NKTR: variants seen among roughly 807,000 people sequenced by gnomAD.
NKTR encodes the protein natural killer cell triggering receptor.
A neutral mutation model predicts 156.3 loss-of-function variants in NKTR; 67 were observed. That is an observed-to-expected ratio of 0.43 (90% confidence interval 0.35 to 0.53). The LOEUF (loss-of-function observed/expected upper bound fraction) is 0.53, where lower values mean the gene tolerates loss of function less well. NKTR is among the 20% of genes least tolerant of loss of function. The pLI is 0.01. For missense variants in NKTR, 1,604 were observed against 1,730.9 expected, an observed-to-expected ratio of 0.93 and a Z score of 1.30; for synonymous variants, 640 against 596.6, an observed-to-expected ratio of 1.07 and a Z score of -1.06.
chr3:42,639,577 A>T lies in NKTR; in HGVS notation c.3873A>T (p.Pro1291=), dbSNP rs746563246. 1 of 1,614,254 alleles carries T rather than the reference A, an allele frequency of 6.2e-7. No individual in the cohort carries two copies. Among genetic ancestry groups the T allele is most frequent in the Non-Finnish European group, 8.5e-7 (1 of 1,180,038 alleles). Residue 1291 remains proline (P), a synonymous_variant, in exon 13 of 17, where the codon CCA becomes CCT. Transcript: ENST00000232978. The stretch of plus-strand genomic sequence containing the variant: ...AGACAGCACGCTTAAACCGTAGACC[A>T]AGAAATCAGGAGAGTTCAAGTGATG... ...VRKTARLNRR[P]RNQESSSDEQ...
Position 42,638,906 on chromosome 3 carries a change from G to GTTAC in NKTR, c.3202_3203insTTAC (p.Gly1068ValfsTer3). 6.2e-7 allele frequency: 1 copy of GTTAC among 1,612,826 alleles called. No individual in the cohort carries two copies. Among genetic ancestry groups the GTTAC allele is most frequent in the Non-Finnish European group, 8.5e-7 (1 of 1,179,148 alleles). On this transcript the variant is annotated frameshift_variant, in exon 13 of 17. Transcript: ENST00000232978. LOFTEE classifies it high-confidence loss of function. ...GAAATCCAGTGAAGAGGACCTTTCA[G>GTTAC]GTAAACATGATACAGTGACTGTTTC... is the stretch of plus-strand genomic sequence containing the variant.
chr3:42,618,884 T>G, intron 3 of NKTR, 136 bp from the exon 4 acceptor site: 1 of 685,248 alleles, frequency 1.5e-6, no homozygotes, highest in South Asian at 2.1e-5. Flanking sequence ...TAAATTATCA[T>G]GTCATCTATT....
chr3:42,613,709 T>A (rs1707064400), intron 2 of NKTR, among the ~76,000 whole-genome samples: 1 of 150,312 alleles, frequency 6.7e-6, no homozygotes, highest in African/African-American at 2.5e-5. Context: ...AGTGGCCAAA[T>A]CAGAATCTAC....
At chr3:42,628,794 G>A (rs1207961807) in intron 6 of NKTR, 3 of 568,742 alleles carry the variant, frequency 5.3e-6, no homozygotes, top group Non-Finnish European at 6.7e-6. Flanking sequence ...CTGAGGTCAG[G>A]AGTTTGAGAC....
At chr3:42,601,672 A>G (rs546602601) in intron 2 of NKTR, 3 of 152,312 alleles carry the variant, frequency 2.0e-5, no homozygotes, top group African/African-American at 4.8e-5. Context: ...ATTTTTTTTA[A>G]ATGAAACATT....
chr3:42,634,402 A>G (rs954388782), intron 10 of NKTR, among the ~76,000 whole-genome samples: 1 of 152,256 alleles, frequency 6.6e-6, no homozygotes, highest in Non-Finnish European at 1.5e-5. Flanking sequence ...GCTGAAAAGT[A>G]TAAGAGTCCT....
chr3:42,638,942 G>T lies in NKTR; in HGVS notation c.3238G>T (p.Asp1080Tyr). The change falls in exon 13 of 17, where the codon GAT (aspartate) becomes TAT (tyrosine). Residue 1080 changes from aspartate (D) to tyrosine (Y), a missense_variant. Asp to Tyr is a radical substitution (Grantham distance 160, BLOSUM62 -3). Around this residue, in one of 6 missense-constraint regions of NKTR, gnomAD observed 1,255 missense variants for 1,243.7 expected, o/e 1.01. Coordinates refer to ENST00000232978, the MANE Select transcript of NKTR (RefSeq NM_005385.4). ...TACAGTGACTGTTTCATCAGATCTT[G>T]ATCAGTTTACTAAAGATGATAGTAA... ...HDTVTVSSDLDQFTKDDSKLS... is the reference protein window; with the variant it reads ...HDTVTVSSDLYQFTKDDSKLS... 1 of 1,613,256 alleles carries T rather than the reference G, an allele frequency of 6.2e-7. No individual in the cohort carries two copies. Among genetic ancestry groups the T allele is most frequent in the South Asian group, 1.1e-5 (1 of 90,988 alleles).
chr3:42,608,522 C>A (rs1240795140), intron 2 of NKTR, among the ~76,000 whole-genome samples: 1 of 152,174 alleles, frequency 6.6e-6, no homozygotes, highest in Non-Finnish European at 1.5e-5. Context: ...TCATTGTGTT[C>A]ACCAGTCTGG....
chr3:42,639,102 C>T lies in NKTR; in HGVS notation c.3398C>T (p.Thr1133Ile). 6.2e-7 allele frequency: 1 copy of T among 1,614,184 alleles called. No individual in the cohort carries two copies. Among genetic ancestry groups the T allele is most frequent in the Non-Finnish European group, 8.5e-7 (1 of 1,180,022 alleles). Residue 1133 changes from threonine to isoleucine, a missense_variant, in exon 13 of 17, where the codon ACT (threonine) becomes ATT (isoleucine). By Grantham distance (89) the Thr-to-Ile change is moderately conservative (BLOSUM62 -1). Coordinates refer to ENST00000232978, the MANE Select transcript of NKTR (RefSeq NM_005385.4). ...ACAGATGACAACATGGAGATCTGCA[C>T]TCCTGATAGGAGTTCCCCAGCAAAA... Reference protein sequence around the residue: ...LQTDDNMEICTPDRSSPAKVE... With the variant: ...LQTDDNMEICIPDRSSPAKVE...
At chr3:42,644,937 C>T (rs948244582) in intron 16 of NKTR, among the ~76,000 whole-genome samples, 1 of 152,044 alleles carries the variant, frequency 6.6e-6, no homozygotes, top group African/African-American at 2.4e-5. Context: ...CTATTCTATT[C>T]TGTCCTTGAA....
In NKTR at chr3:42,639,196, G is replaced by A; in HGVS notation, c.3492G>A (p.Gln1164=). 6.2e-7 allele frequency: 1 copy of A among 1,614,186 alleles called. No homozygotes were observed. Among genetic ancestry groups the A allele is most frequent in the Non-Finnish European group, 8.5e-7 (1 of 1,180,034 alleles). ...DTPDINIVLK[Q]DMATEHPQAE... ...CAGATATAAACATTGTTTTGAAGCA[G>A]GATATGGCAACGGAACATCCTCAAG... The change falls in exon 13 of 17, where the codon CAG becomes CAA. Residue 1164 remains glutamine, a synonymous_variant. Coordinates refer to ENST00000232978, the MANE Select transcript of NKTR (RefSeq NM_005385.4).
chr3:42,631,510 T>C (rs1409986001), intron 8 of NKTR, among the ~76,000 whole-genome samples, 194 bp downstream of exon 8: 2 of 152,202 alleles, frequency 1.3e-5, no homozygotes, highest in African/African-American at 4.8e-5. Flanking sequence ...ACCAGCCTTA[T>C]CCACACCACC....
chr3:42,643,749 A>AG (rs1255247186), intron 15 of NKTR, 153 bp from the exon 16 acceptor site: 1 of 689,832 alleles, frequency 1.4e-6, no homozygotes, highest in Non-Finnish European at 2.6e-6. Flanking sequence ...GCAATTGTTA[A>AG]ATGTTTCCAG....
rs945260316 is a variant in NKTR at position 42,620,498 on chromosome 3, A to G, written c.286+790A>G. The G allele has an allele frequency of 5.1e-6, 5 of 983,552 alleles. No individual in the cohort carries two copies. In the Admixed American group the frequency reaches 2.5e-4, roughly 48 times the overall value. 60.9% of individuals were successfully genotyped at this position (983,552 alleles called of 1,614,324 possible). A position where few individuals can be genotyped will look rare whatever the true frequency, so the allele number is the denominator to read the frequency against. ...TTAACGCTATAATAGCTTCAGTGTTATAATAGTCTTTTATATTTCCTTTGG... is the reference window on the plus strand; with the variant it reads ...TTAACGCTATAATAGCTTCAGTGTTGTAATAGTCTTTTATATTTCCTTTGG... On this transcript the variant is annotated intron_variant, in intron 5 of 16. Transcript: ENST00000232978.
At chr3:42,633,846 G>A (rs773435069) in intron 10 of NKTR, 111 bp downstream of exon 10, 61 of 1,202,930 alleles carry the variant, frequency 5.1e-5, no homozygotes, top group Non-Finnish European at 7.2e-5. Context: ...GAAGCACATT[G>A]AAAGATAGTA....
chr3:42,639,106 TGA>T lies in NKTR; in HGVS notation c.3403_3404del (p.Asp1135Ter). The part of the protein sequence containing the change: ...TDDNMEICTP[D>X]RSSPAKVEET... ...ATGACAACATGGAGATCTGCACTCC[TGA>T]TAGGAGTTCCCCAGCAAAAGTAGAG... is the stretch of plus-strand genomic sequence containing the variant. On this transcript the variant is annotated frameshift_variant, in exon 13 of 17. Coordinates refer to ENST00000232978, the MANE Select transcript of NKTR (RefSeq NM_005385.4). LOFTEE classifies it high-confidence loss of function. 1 of 1,614,172 alleles carries T rather than the reference TGA, an allele frequency of 6.2e-7. No homozygotes were observed. Among genetic ancestry groups the T allele is most frequent in the East Asian group, 2.2e-5 (1 of 44,888 alleles).
intron 4 of NKTR, chr3:42,619,450 G>C: frequency 7.2e-7 from 1 of 1,379,670 alleles, no homozygotes; most frequent in Non-Finnish European, 9.3e-7. Flanking sequence ...GAAATAAGTA[G>C]GTTGTGAAGA....
At chr3:42,633,769 T>C in intron 10 of NKTR, 34 bp downstream of exon 10, 3 of 1,612,342 alleles carry the variant, frequency 1.9e-6, no homozygotes, top group Non-Finnish European at 2.5e-6. Context: ...TATTTTTATT[T>C]CTCCGATAAC....
intron 12 of NKTR, 107 bp downstream of exon 12, chr3:42,635,473 C>T: frequency 1.2e-6 from 1 of 862,284 alleles, no homozygotes; most frequent in Admixed American, 3.1e-5. Context: ...GAAAGATTCA[C>T]AGTCAGACTG....
Sources: allele counts gnomAD v4.1 joint callset (sites outside exome capture counted in the v4.1 genomes callset), GRCh38; gene constraint gnomAD v4.1.1; regional missense constraint gnomAD v4.1.1; transcripts MANE v1.5; gene names NCBI Gene and HGNC (gene_info 2026-07-23, HGNC 2026-07-21).